MDN1: variants seen among roughly 807,000 people sequenced by gnomAD.
MDN1 encodes midasin.
A neutral mutation model predicts 669.2 loss-of-function variants in MDN1; 266 were observed. That is an observed-to-expected ratio of 0.40 (90% CI 0.36 to 0.44). The LOEUF is 0.44. Among genes scored for constraint, MDN1 ranks in the 20% least tolerant of loss-of-function variants. The pLI, the probability that MDN1 is intolerant of heterozygous loss-of-function variation, is 1.00. For synonymous variants in MDN1, 2,385 were observed against 2,457.1 expected (o/e 0.97, Z 0.87); for missense variants, 5,940 against 6,754.0 (o/e 0.88, Z 4.22).
rs1176897356 is a variant in MDN1 at position 89,730,779 on chromosome 6, T to A, written c.5087A>T (p.Glu1696Val). 6.2e-7 allele frequency: 1 copy of A among 1,614,142 alleles called. No homozygotes were observed. Among genetic ancestry groups the A allele is most frequent in the Non-Finnish European group, 8.5e-7 (1 of 1,179,988 alleles). The change falls in exon 35 of 102, where the codon GAA becomes GTA. Residue 1696 changes from glutamate to valine, a missense_variant. Glu to Val is a moderately radical substitution (Grantham distance 121, BLOSUM62 -2). This residue lies in a region of MDN1 where 2,292 missense variants were observed against 2,638.3 expected (regional missense o/e 0.87). Transcript: ENST00000369393. ...LKIYDRMKAK[E>V]FTGIDNLWGI... ...CCAAAGGTTATCTATTCCAGTGAAT[T>A]CTTTGGCCTTCATTCTGTCATAAAT...
intron 15 of MDN1, among the ~76,000 whole-genome samples, chr6:89,763,741 T>C (rs1817671184): frequency 6.6e-6 from 1 of 152,186 alleles, no homozygotes; most frequent in African/African-American, 2.4e-5. Context: ...GCTGACTCAC[T>C]GGCCTAGTGA....
At chr6:89,663,720 G>A (rs1809972065) in intron 85 of MDN1, among the ~76,000 whole-genome samples, 1 of 151,992 alleles carries the variant, frequency 6.6e-6, no homozygotes, top group Non-Finnish European at 1.5e-5. Context: ...GGATCATGAT[G>A]TCAGGAGATC....
At chr6:89,718,080 C>G (rs868777911) in intron 43 of MDN1, among the ~76,000 whole-genome samples, 67 of 152,224 alleles carry the variant, frequency 4.4e-4, no homozygotes, top group African/African-American at 1.3e-3. Flanking sequence ...AAAAAAATAG[C>G]CAGTAATAAT....
Position 89,672,580 on chromosome 6 carries a change from TCTC to T in MDN1, c.13594_13596del (p.Glu4532del), listed in dbSNP as rs763115242. 26 of 1,614,072 alleles carry T rather than the reference TCTC, an allele frequency of 1.6e-5. No individual in the cohort carries two copies. The highest frequency in any genetic ancestry group is 1.7e-5 in the Non-Finnish European group (20 of 1,180,036). ...TCTTGTGGGCTTGCTTGGTCAGTGTTCTCCTCTGCTTTTTCATTCTTTCTTTCT... is the reference window on the plus strand; with the variant it reads ...TCTTGTGGGCTTGCTTGGTCAGTGTTCTCTGCTTTTTCATTCTTTCTTTCT... On this transcript the variant is annotated inframe_deletion, in exon 81 of 102. Coordinates refer to ENST00000369393, the MANE Select transcript of MDN1 (RefSeq NM_014611.3).
chr6:89,798,594 A>G (rs1183536513), intron 2 of MDN1, among the ~76,000 whole-genome samples: 2 of 152,242 alleles, frequency 1.3e-5, no homozygotes, highest in African/African-American at 4.8e-5. Context: ...AATGCCTAAA[A>G]GTTAAAATTT....
chr6:89,663,953 A>G (rs912408996), intron 85 of MDN1, among the ~76,000 whole-genome samples: 15 of 151,402 alleles, frequency 9.9e-5, no homozygotes, highest in Non-Finnish European at 1.3e-4. Flanking sequence ...AAAAAAAAAA[A>G]AAAGAAAGAA....
rs1189917745 is a variant in MDN1 at position 89,650,008 on chromosome 6, C to T, written c.16206+16G>A. On this transcript the variant is annotated intron_variant, in intron 97 of 101. Transcript: ENST00000369393. ...TTAATTTCCTATCAAACTGCCACTGCATTTCTCTTCCTTACCTGCTTGGTA... is the reference window on the plus strand; with the variant it reads ...TTAATTTCCTATCAAACTGCCACTGTATTTCTCTTCCTTACCTGCTTGGTA... 1 of 1,613,392 alleles carries T rather than the reference C, an allele frequency of 6.2e-7. No homozygotes were observed. Among genetic ancestry groups the T allele is most frequent in the Non-Finnish European group, 8.5e-7 (1 of 1,179,656 alleles).
In MDN1 at chr6:89,685,889, C is replaced by T. The variant is rs922518897; in HGVS notation, c.11657G>A (p.Arg3886Gln). 2 of 1,613,982 alleles carry T rather than the reference C, an allele frequency of 1.2e-6. No homozygotes were observed. Among genetic ancestry groups the T allele is most frequent in the South Asian group, 1.1e-5 (1 of 91,090 alleles). The change falls in exon 70 of 102, where the codon CGA (arginine) becomes CAA (glutamine). Residue 3886 changes from arginine to glutamine, a missense_variant. By Grantham distance (43) the Arg-to-Gln change is conservative. Coordinates refer to ENST00000369393, the MANE Select transcript of MDN1 (RefSeq NM_014611.3). ...EGSSLGEFHVRLQMLLVFHCH... is the reference protein window; with the variant it reads ...EGSSLGEFHVQLQMLLVFHCH... ...ATGGAAAACCAGTAACATCTGAAGTCGCACATGGAACTCTCCCAGCGAGGA... is the reference window on the plus strand; with the variant it reads ...ATGGAAAACCAGTAACATCTGAAGTTGCACATGGAACTCTCCCAGCGAGGA...
At chr6:89,711,597 G>A (rs1039041014) in intron 49 of MDN1, among the ~76,000 whole-genome samples, 1 of 152,088 alleles carries the variant, frequency 6.6e-6, no homozygotes, top group Non-Finnish European at 1.5e-5. Context: ...CAGATACCAA[G>A]GGACAACTCC....
chr6:89,738,246 T>A, intron 33 of MDN1, 80 bp downstream of exon 33: 2 of 1,485,058 alleles, frequency 1.3e-6, no homozygotes, highest in Non-Finnish European at 1.8e-6. Context: ...ACAGGGCTGA[T>A]GTCCTGTAAG....
chr6:89,803,890 C>T (rs963955816), intron 1 of MDN1, among the ~76,000 whole-genome samples: 12 of 93,224 alleles, frequency 1.3e-4, no homozygotes, highest in South Asian at 3.5e-4. Flanking sequence ...CTTTTCTTTT[C>T]TTTTCTTTTT....
rs950562933 is a variant in MDN1, at chr6:89,750,536, T to C, written c.3228-4A>G. 5.0e-6 allele frequency: 8 copies of C among 1,596,508 alleles called. No individual in the cohort carries two copies. Among genetic ancestry groups the C allele is most frequent in the African/African-American group, 1.3e-5 (1 of 74,600 alleles). The stretch of plus-strand genomic sequence containing the variant: ...CTGAATCAGCACTGGATAGGTTCTG[T>C]AAAAGATTAGCCAATTAAGCAACTT... On this transcript the variant is annotated splice_region_variant and splice_polypyrimidine_tract_variant and intron_variant, in intron 23 of 101. Transcript: ENST00000369393.
At chr6:89,817,308 C>T (rs914029015) in intron 1 of MDN1, among the ~76,000 whole-genome samples, 3 of 152,164 alleles carry the variant, frequency 2.0e-5, no homozygotes, top group African/African-American at 7.2e-5. Flanking sequence ...TAGAGTTTGA[C>T]ACTTTTCATT....
chr6:89,762,631 A>G, intron 15 of MDN1, 101 bp from the exon 16 acceptor site: 1 of 790,358 alleles, frequency 1.3e-6, no homozygotes, highest in Non-Finnish European at 2.0e-6. Context: ...ATTTCATTTA[A>G]TTAACGTCAG....
At chr6:89,719,825 T>C (rs1432241717) in intron 40 of MDN1, among the ~76,000 whole-genome samples, 3 of 152,234 alleles carry the variant, frequency 2.0e-5, no homozygotes, top group African/African-American at 7.2e-5. Context: ...CAAACATTTA[T>C]GTAGATATGA....
intron 11 of MDN1, among the ~76,000 whole-genome samples, chr6:89,778,563 C>G (rs1322485499): frequency 6.6e-6 from 1 of 151,990 alleles, no homozygotes; most frequent in African/African-American, 2.4e-5. Flanking sequence ...AAACCAAAAT[C>G]TGAAGATGCT....
intron 88 of MDN1, 71 bp downstream of exon 88, chr6:89,661,360 T>G: frequency 6.5e-7 from 1 of 1,528,494 alleles, no homozygotes; most frequent in Non-Finnish European, 8.9e-7. Flanking sequence ...TGAGCTAGCT[T>G]TCAAAAGAGA....
At chr6:89,730,168 G>GAA (rs1291677802) in intron 35 of MDN1, among the ~76,000 whole-genome samples, 1 of 152,138 alleles carries the variant, frequency 6.6e-6, no homozygotes, top group Non-Finnish European at 1.5e-5. Context: ...AAGAGAGAAA[G>GAA]AATTAGAACA....
In MDN1 at chr6:89,770,830, C is replaced by T. The variant is rs534916613; in HGVS notation, c.2144+731G>A. Among the ~76,000 whole-genome samples, 5 of 152,272 alleles carry T rather than the reference C, an allele frequency of 3.3e-5. No individual in the cohort carries two copies. The South Asian group carries it at 8.3e-4, about 25-fold the overall frequency. ...GAACTTACACTTTAGATCAACTGTA[C>T]TGTATACACAAACATTAATTGATTA... On this transcript the variant is annotated intron_variant, in intron 15 of 101. Coordinates refer to ENST00000369393, the MANE Select transcript of MDN1 (RefSeq NM_014611.3).
Sources: gnomAD v4.1 joint callset for allele counts (sites outside exome capture counted in the v4.1 genomes callset) on GRCh38, gnomAD v4.1.1 for gene constraint, gnomAD v4.1.1 regional missense constraint, MANE v1.5 for transcripts, NCBI Gene and HGNC (gene_info 2026-07-23, HGNC 2026-07-21) for gene names.